Variants in RBFOX1 observed in about 807,000 individuals in gnomAD.
The protein encoded by RBFOX1 is RNA binding protein fox-1 homolog 1.
Under a neutral mutation model 57.7 loss-of-function variants are expected in RBFOX1, and 8 were observed. That is an observed-to-expected ratio of 0.14 (90% confidence interval 0.08 to 0.25). The LOEUF (loss-of-function observed/expected upper bound fraction) is 0.25. RBFOX1 is among the 10% of genes least tolerant of loss of function. RBFOX1 has a pLI of 1.00. For synonymous variants in RBFOX1, 326 were observed against 222.4 expected (o/e 1.47, Z -4.15); for missense variants, 611 against 548.5 (o/e 1.11, Z -1.14).
At chr16:6,116,622 T>C (rs1279550363) in intron 1 of RBFOX1, among the ~76,000 whole-genome samples, 1 of 152,180 alleles carries the variant, frequency 6.6e-6, no homozygotes, top group Non-Finnish European at 1.5e-5. Flanking sequence ...GCTAAAAATA[T>C]CTGCTAGCTT....
intron 1 of RBFOX1, among the ~76,000 whole-genome samples, chr16:5,405,504 C>A (rs906923488): frequency 2.0e-5 from 3 of 152,106 alleles, no homozygotes; most frequent in African/African-American, 7.2e-5. Context: ...TCCATTAAAC[C>A]TTTTTTTCTT....
chr16:7,190,184 A>T (rs1439760337), intron 4 of RBFOX1, among the ~76,000 whole-genome samples: 1 of 152,082 alleles, frequency 6.6e-6, no homozygotes, highest in African/African-American at 2.4e-5. Flanking sequence ...AACATGGTGA[A>T]ACCCCGTCTC....
chr16:6,251,384 T>C (rs576421967), intron 1 of RBFOX1, among the ~76,000 whole-genome samples: 1 of 152,288 alleles, frequency 6.6e-6, no homozygotes, highest in South Asian at 2.1e-4. Flanking sequence ...TTAAGTCACC[T>C]GCCCAAAGTC....
At chr16:7,205,123 C>G (rs1176069248) in intron 4 of RBFOX1, among the ~76,000 whole-genome samples, 1 of 152,036 alleles carries the variant, frequency 6.6e-6, no homozygotes, top group Non-Finnish European at 1.5e-5. Context: ...CTCCCACCTC[C>G]CTTCACTGAT....
chr16:6,321,263 A>G (rs9806971), intron 2 of RBFOX1, among the ~76,000 whole-genome samples: 48,521 of 152,014 alleles, frequency 0.32, 8,490 homozygotes, highest in Middle Eastern at 0.4. Flanking sequence ...TAAATTTAAG[A>G]ACATGTGGCT....
intron 4 of RBFOX1, among the ~76,000 whole-genome samples, chr16:5,888,153 A>C (rs960570692): frequency 1.3e-5 from 2 of 152,096 alleles, no homozygotes; most frequent in African/African-American, 4.8e-5. Flanking sequence ...TTTCTCAGCC[A>C]CTGTGGTGTG....
intron 3 of RBFOX1, among the ~76,000 whole-genome samples, chr16:6,892,533 G>C (rs952578372): frequency 2.0e-5 from 3 of 152,094 alleles, no homozygotes; most frequent in Admixed American, 6.6e-5. Context: ...AGCTGCGCAT[G>C]GTGGCACACA....
chr16:5,795,524 C>G (rs990068528), intron 3 of RBFOX1, among the ~76,000 whole-genome samples: 1 of 152,098 alleles, frequency 6.6e-6, no homozygotes, highest in Non-Finnish European at 1.5e-5. Context: ...TTCCTGGGCT[C>G]AAACAATCCT....
At chr16:7,665,084 G>A in intron 13 of RBFOX1, 116 bp downstream of exon 13, 1 of 1,593,834 alleles carries the variant, frequency 6.3e-7, no homozygotes, top group Non-Finnish European at 8.6e-7. Flanking sequence ...TGGTCTGTAG[G>A]AAATAATTCC....
chr16:6,656,627 C>G (rs1202498502), intron 3 of RBFOX1, among the ~76,000 whole-genome samples: 2 of 150,934 alleles, frequency 1.3e-5, no homozygotes, highest in Non-Finnish European at 3.0e-5. Context: ...CACACACACA[C>G]ACACTTCTAG....
chr16:6,646,456 C>G (rs781076662), intron 2 of RBFOX1, among the ~76,000 whole-genome samples: 7 of 151,954 alleles, frequency 4.6e-5, no homozygotes, highest in Non-Finnish European at 1.0e-4. Context: ...TGCCAGATCG[C>G]TCTTTTCTGT....
In RBFOX1 at chr16:5,480,456, A is replaced by T. The variant is rs369836369; in HGVS notation, c.258+13202A>T. 1.2e-4 allele frequency among the ~76,000 whole-genome samples: 18 copies of T among 152,308 alleles called. No individual in the cohort carries two copies. The East Asian group carries it at 1.3e-3, about 11-fold the overall frequency. ...GACAAGTATTAAGAAGAAAATAAAA[A>T]ATGTTCCATGAACTCACTACCATAA... On this transcript the variant is annotated intron_variant, in intron 2 of 2. Transcript: ENST00000585867.
At chr16:6,775,655 A>T (rs2079197072) in intron 3 of RBFOX1, 1 of 152,146 alleles carries the variant, frequency 6.6e-6, no homozygotes, top group Non-Finnish European at 1.5e-5. Flanking sequence ...GAGAAAGTGA[A>T]TTTGGGAGCT....
intron 4 of RBFOX1, among the ~76,000 whole-genome samples, chr16:7,140,023 A>T (rs2073239968): frequency 6.6e-6 from 1 of 152,164 alleles, no homozygotes; most frequent in Admixed American, 6.5e-5. Flanking sequence ...GGAAAAAGAT[A>T]GCTGTCTGGG....
chr16:6,207,689 T>C (rs2097264161), intron 1 of RBFOX1, among the ~76,000 whole-genome samples: 2 of 152,130 alleles, frequency 1.3e-5, no homozygotes, highest in African/African-American at 4.8e-5. Context: ...CATTTTATTT[T>C]ATTTTATTTA....
chr16:6,605,244 T>C (rs1473774140), intron 2 of RBFOX1, among the ~76,000 whole-genome samples: 1 of 146,696 alleles, frequency 6.8e-6, no homozygotes, highest in African/African-American at 2.6e-5. Context: ...AATAAAATAA[T>C]AATTTATAAT....
intron 4 of RBFOX1, chr16:7,333,153 T>C (rs1002671401): frequency 7.4e-6 from 11 of 1,483,024 alleles, no homozygotes; most frequent in African/African-American, 1.4e-5. Flanking sequence ...AATTGGAATT[T>C]TTATGGTTGA....
At chr16:6,584,920 T>C (rs1291239672) in intron 2 of RBFOX1, among the ~76,000 whole-genome samples, 2 of 152,162 alleles carry the variant, frequency 1.3e-5, no homozygotes, top group Non-Finnish European at 2.9e-5. Flanking sequence ...ATTGGGGACC[T>C]GCGTTGAAAA....
intron 3 of RBFOX1, among the ~76,000 whole-genome samples, chr16:6,984,992 G>A (rs1272755755): frequency 6.6e-6 from 1 of 150,914 alleles, no homozygotes; most frequent in Non-Finnish European, 1.5e-5. Flanking sequence ...CAGGAGGGAG[G>A]GCTCCTTGAA....
Sources: gnomAD v4.1 joint callset for allele counts (sites outside exome capture counted in the v4.1 genomes callset) on GRCh38, gnomAD v4.1.1 for gene constraint, MANE v1.5 for transcripts, NCBI Gene and HGNC (gene_info 2026-07-23, HGNC 2026-07-21) for gene names.